Variants in SEPTIN9 observed in about 807,000 individuals in gnomAD.
SEPTIN9 encodes septin-9.
SEPTIN9 carries 13 observed loss-of-function variants against 56.6 expected under a neutral mutation model. The observed-to-expected ratio is 0.23, with a 90% CI of 0.15 to 0.37. The LOEUF (loss-of-function observed/expected upper bound fraction) is 0.37, where lower values mean the gene tolerates loss of function less well. Among genes scored for constraint, SEPTIN9 ranks in the 10% least tolerant of loss-of-function variants. The pLI, the probability that SEPTIN9 is intolerant of heterozygous loss-of-function variation, is 1.00. For missense variants in SEPTIN9, 650 were observed against 823.1 expected, an observed-to-expected ratio of 0.79 and a Z score of 2.57; for synonymous variants, 332 against 334.1, an observed-to-expected ratio of 0.99 and a Z score of 0.07.
chr17:77,451,332 C>G lies in SEPTIN9; in HGVS notation c.722-30812C>G. 1 of 984,662 alleles carries G rather than the reference C, an allele frequency of 1.0e-6. No homozygotes were observed. The highest frequency in any genetic ancestry group is 1.2e-6 in the Non-Finnish European group (1 of 828,910). 61.0% of individuals were successfully genotyped at this position (984,662 alleles called of 1,614,324 possible). ...CCTCCTGCTCCCCTCGCCCTGCCCC[C>G]TTGGAGCAATTCCCCACCGAGCCTC... On this transcript the variant is annotated intron_variant, in intron 3 of 11. Coordinates refer to ENST00000427177, the MANE Select transcript of SEPTIN9 (RefSeq NM_001113491.2). The surrounding 1 kb of genome is among the most constrained non-coding windows in gnomAD (Gnocchi z 4.2).
rs2031809879 is a variant in SEPTIN9 at position 77,296,336 on chromosome 17, G to A, written c.20-10805G>A. 3.3e-5 allele frequency among the ~76,000 whole-genome samples: 5 copies of A among 151,366 alleles called. No individual in the cohort carries two copies. In the South Asian group the frequency reaches 8.3e-4, roughly 25 times the overall value. On this transcript the variant is annotated intron_variant, in intron 1 of 11. Transcript: ENST00000427177. ...CTCTCCAGGGAGACAGCCAATAGGA[G>A]ATGGATGGATGGATGGATGGCTAGA...
chr17:77,422,742 G>A (rs1249996946), intron 3 of SEPTIN9, among the ~76,000 whole-genome samples: 1 of 152,172 alleles, frequency 6.6e-6, no homozygotes, highest in African/African-American at 2.4e-5. Flanking sequence ...TCTGCCCCCT[G>A]GCTCTTGCTT....
intron 1 of SEPTIN9, among the ~76,000 whole-genome samples, chr17:77,302,880 G>A (rs955877890): frequency 2.0e-5 from 3 of 152,120 alleles, no homozygotes; most frequent in Non-Finnish European, 2.9e-5. Context: ...GTTCCACAAG[G>A]AAGACACTGC....
At chr17:77,493,359 G>C (rs924140472) in intron 10 of SEPTIN9, 3 of 468,776 alleles carry the variant, frequency 6.4e-6, no homozygotes, top group South Asian at 2.2e-5. Flanking sequence ...CCTGGTGCAG[G>C]CTCTTTCATA....
At chr17:77,459,785 G>A (rs1407215364) in intron 3 of SEPTIN9, among the ~76,000 whole-genome samples, 1 of 151,886 alleles carries the variant, frequency 6.6e-6, no homozygotes, top group Non-Finnish European at 1.5e-5. Context: ...TCGGCTCACT[G>A]CAACCTCAGC....
chr17:77,320,686 G>T (rs990078748), intron 2 of SEPTIN9, among the ~76,000 whole-genome samples: 1 of 152,176 alleles, frequency 6.6e-6, no homozygotes, highest in African/African-American at 2.4e-5. Context: ...CCCCTGGCTC[G>T]GGTCTGGGGC....
chr17:77,398,146 G>A (rs942178916), intron 2 of SEPTIN9, among the ~76,000 whole-genome samples: 4 of 151,940 alleles, frequency 2.6e-5, no homozygotes, highest in African/African-American at 9.7e-5. Flanking sequence ...GCCAATTTTT[G>A]TATTGTTTAG....
intron 2 of SEPTIN9, among the ~76,000 whole-genome samples, chr17:77,349,055 T>TAAAGA (rs1324847404): frequency 2.0e-5 from 3 of 152,146 alleles, no homozygotes; most frequent in African/African-American, 7.2e-5. Flanking sequence ...TCATTTTCAC[T>TAAAGA]TATCTGCAAA....
At position 77,425,372 on chromosome 17, in the gene SEPTIN9, G is replaced by T. The variant is rs1186523167; in HGVS notation, c.721+22669G>T. Among the ~76,000 whole-genome samples, 1 of 152,196 alleles carries T rather than the reference G, an allele frequency of 6.6e-6. No individual in the cohort carries two copies. The highest frequency in any genetic ancestry group is 1.9e-4 in the East Asian group (1 of 5,194). Reference sequence around the variant, plus strand: ...GCCTGCAGCTGAGAGCCCTTGACCCGCACCTGAGGGCTTCAGAGGTCCGGG... The same window carrying T: ...GCCTGCAGCTGAGAGCCCTTGACCCTCACCTGAGGGCTTCAGAGGTCCGGG... On this transcript the variant is annotated intron_variant, in intron 3 of 11. Coordinates refer to ENST00000427177, the MANE Select transcript of SEPTIN9 (RefSeq NM_001113491.2). This position sits in a 1 kb window ranked among gnomAD's most constrained non-coding sequence, Gnocchi z 4.2.
intron 11 of SEPTIN9, among the ~76,000 whole-genome samples, chr17:77,498,172 G>A (rs893068069): frequency 3.3e-5 from 5 of 151,936 alleles, no homozygotes; most frequent in East Asian, 1.9e-4. Flanking sequence ...CCTGGACACC[G>A]GCCTGGAGCA....
intron 3 of SEPTIN9, among the ~76,000 whole-genome samples, chr17:77,440,889 G>A (rs1568071205): frequency 6.6e-6 from 1 of 152,246 alleles, no homozygotes; most frequent in Non-Finnish European, 1.5e-5. Flanking sequence ...TGCAGGCCTG[G>A]CCTGATGAGA....
At chr17:77,390,698 G>A (rs895198830) in intron 2 of SEPTIN9, among the ~76,000 whole-genome samples, 3 of 152,154 alleles carry the variant, frequency 2.0e-5, no homozygotes, top group East Asian at 1.9e-4. Flanking sequence ...TGATCTGCCC[G>A]CCTCTGCCTC....
chr17:77,308,942 C>T (rs912997974), intron 2 of SEPTIN9, among the ~76,000 whole-genome samples: 1 of 152,230 alleles, frequency 6.6e-6, no homozygotes, highest in Non-Finnish European at 1.5e-5. Context: ...GCTGGAGGCC[C>T]CTGGGCAGCT....
chr17:77,302,571 A>G (rs895962567), intron 1 of SEPTIN9, among the ~76,000 whole-genome samples: 1 of 152,110 alleles, frequency 6.6e-6, no homozygotes, highest in African/African-American at 2.4e-5. Context: ...CCAGCTACGC[A>G]GGAGGTTGAG....
chr17:77,281,653 T>C, intron 1 of SEPTIN9, 99 bp downstream of exon 1: 2 of 1,203,652 alleles, frequency 1.7e-6, no homozygotes, highest in Non-Finnish European at 1.1e-6. Flanking sequence ...CCCCCGGAGC[T>C]GAGCGAGTCC....
At chr17:77,420,006 A>T (rs893034340) in intron 3 of SEPTIN9, 1 of 152,246 alleles carries the variant, frequency 6.6e-6, no homozygotes, top group Admixed American at 6.5e-5. Flanking sequence ...GGGAGGGCGG[A>T]CTATCCGTTT....
chr17:77,391,938 C>T (rs2035554871), intron 2 of SEPTIN9, among the ~76,000 whole-genome samples: 1 of 152,206 alleles, frequency 6.6e-6, no homozygotes, highest in Non-Finnish European at 1.5e-5. Context: ...GTCAGCTGCC[C>T]ACCCCTTTGT....
Position 77,421,339 on chromosome 17 carries a change from C to A in SEPTIN9, c.721+18636C>A, listed in dbSNP as rs548853000. On this transcript the variant is annotated intron_variant, in intron 3 of 11. Coordinates refer to ENST00000427177, the MANE Select transcript of SEPTIN9 (RefSeq NM_001113491.2). The surrounding 1 kb of genome is among the most constrained non-coding windows in gnomAD (Gnocchi z 4.6). Reference sequence around the variant, plus strand: ...AGATTGGAACCGCATTTCTCTCCCCCCAGTCACAGCTGCCAGGAGCTCATC... The same window carrying A: ...AGATTGGAACCGCATTTCTCTCCCCACAGTCACAGCTGCCAGGAGCTCATC... Among the ~76,000 whole-genome samples the A allele has an allele frequency of 2.7e-4, 41 of 152,216 alleles. No homozygotes were observed. Among genetic ancestry groups the A allele is most frequent in the African/African-American group, 8.4e-4 (35 of 41,448 alleles).
intron 2 of SEPTIN9, among the ~76,000 whole-genome samples, chr17:77,397,505 A>G (rs891216404): frequency 2.6e-5 from 4 of 152,140 alleles, no homozygotes; most frequent in African/African-American, 9.7e-5. Context: ...TAGGTATTAG[A>G]CATGTCTTTT....
Sources: allele counts gnomAD v4.1 joint callset (sites outside exome capture counted in the v4.1 genomes callset), GRCh38; gene constraint gnomAD v4.1.1; non-coding constraint Gnocchi (gnomAD v3.1); transcripts MANE v1.5; gene names NCBI Gene and HGNC (gene_info 2026-07-23, HGNC 2026-07-21).